Variants in SHISA9 observed in about 807,000 individuals in gnomAD.
SHISA9 encodes protein shisa-9.
SHISA9 carries 13 observed loss-of-function variants against 38.0 expected under a neutral mutation model. The ratio of observed to expected loss-of-function variants is 0.34; its 90% CI spans 0.22 to 0.54. The LOEUF (loss-of-function observed/expected upper bound fraction) is 0.54. SHISA9 is among the 20% of genes least tolerant of loss of function. The probability of loss-of-function intolerance (pLI) is 0.91; values close to 1 mark genes in which losing one functional copy is unlikely to be tolerated. For missense variants in SHISA9, 538 were observed against 575.8 expected (o/e 0.93, Z 0.67); for synonymous variants, 275 against 242.0 (o/e 1.14, Z -1.27).
rs1380299023 is a variant in SHISA9, at chr16:13,069,095, T to C, written c.692-134299T>C. Among the ~76,000 whole-genome samples, 4 of 151,132 alleles carry C rather than the reference T, an allele frequency of 2.6e-5. No individual in the cohort carries two copies. The South Asian group carries it at 6.3e-4, about 24-fold the overall frequency. On this transcript the variant is annotated intron_variant, in intron 2 of 4. Coordinates refer to ENST00000558583, the MANE Select transcript of SHISA9 (RefSeq NM_001145204.3). ...TACATGTGTACATGCAATGTGTATG[T>C]GTGTGTATACATGTGTACATGCAAT...
the SHISA9 span, among the ~76,000 whole-genome samples, chr16:13,383,795 G>T: frequency 6.6e-6 from 1 of 152,020 alleles, no homozygotes; most frequent in Non-Finnish European, 1.5e-5. Context: ...GACCATAGGC[G>T]CGAGCCACTA....
At chr16:13,205,691 G>A (rs949925484) in intron 3 of SHISA9, among the ~76,000 whole-genome samples, 1 of 152,170 alleles carries the variant, frequency 6.6e-6, no homozygotes, top group African/African-American at 2.4e-5. Context: ...CTTGTTTCTA[G>A]TAGCCCCATG....
chr16:13,390,713 A>T, the SHISA9 span, among the ~76,000 whole-genome samples: 2 of 152,148 alleles, frequency 1.3e-5, no homozygotes, highest in Non-Finnish European at 2.9e-5. Flanking sequence ...GATTCCCCAC[A>T]TTTGTGTAGC....
At chr16:13,174,183 T>C (rs1472644439) in intron 2 of SHISA9, among the ~76,000 whole-genome samples, 1 of 152,208 alleles carries the variant, frequency 6.6e-6, no homozygotes, top group Non-Finnish European at 1.5e-5. Flanking sequence ...ATTTGTTTTT[T>C]GTTGTTTTGG....
intron 2 of SHISA9, among the ~76,000 whole-genome samples, chr16:13,123,573 A>G (rs2050232363): frequency 6.6e-6 from 1 of 152,260 alleles, no homozygotes; most frequent in Admixed American, 6.5e-5. Flanking sequence ...GGTGGATTCT[A>G]TCTTTGTGAA....
intron 2 of SHISA9, among the ~76,000 whole-genome samples, chr16:13,142,109 T>G (rs886969290): frequency 8.5e-5 from 13 of 152,220 alleles, no homozygotes; most frequent in African/African-American, 3.1e-4. Context: ...TTTCTGAGGC[T>G]CAGCATTGAA....
At chr16:13,027,932 A>AC (rs1491242999) in intron 2 of SHISA9, among the ~76,000 whole-genome samples, 1 of 107,096 alleles carries the variant, frequency 9.3e-6, no homozygotes, top group East Asian at 2.3e-4. Flanking sequence ...TGTCTCAAAA[A>AC]CAAAAAAAAA....
chr16:13,000,311 C>T lies in SHISA9; in HGVS notation c.691+83496C>T, dbSNP rs8054068. On this transcript the variant is annotated intron_variant, in intron 2 of 4. Transcript: ENST00000558583. ...CTATGCAAGTGATTTATTAAGGGAGCTGCCCTTGGGAGAAACTGTGAGGAA... is the reference window on the plus strand; with the variant it reads ...CTATGCAAGTGATTTATTAAGGGAGTTGCCCTTGGGAGAAACTGTGAGGAA... Among the ~76,000 whole-genome samples, 1,265 of 152,062 alleles carry T rather than the reference C, an allele frequency of 8.3e-3. 23 individuals are homozygous for T. The highest frequency in any genetic ancestry group is 0.029 in the African/African-American group (1,212 of 41,464).
At chr16:13,544,404 G>A in the SHISA9 span, among the ~76,000 whole-genome samples, 9 of 91,104 alleles carry the variant, frequency 9.9e-5, no homozygotes, top group African/African-American at 3.6e-4. Flanking sequence ...TCGGTTTTTT[G>A]TTTTTTCGGG....
At chr16:13,299,052 G>T in the SHISA9 span, among the ~76,000 whole-genome samples, 1 of 152,228 alleles carries the variant, frequency 6.6e-6, no homozygotes, top group Non-Finnish European at 1.5e-5. Context: ...CCTTGTAAGG[G>T]GCCTACAGAA....
chr16:13,539,096 A>G, the SHISA9 span, among the ~76,000 whole-genome samples: 16 of 151,876 alleles, frequency 1.1e-4, no homozygotes, highest in Non-Finnish European at 2.2e-4. Flanking sequence ...AGAAGAGATT[A>G]TCTAGTGAGG....
intron 2 of SHISA9, among the ~76,000 whole-genome samples, chr16:13,126,699 G>C (rs1303182506): frequency 6.8e-6 from 1 of 147,738 alleles, no homozygotes; most frequent in East Asian, 2.1e-4. Flanking sequence ...GAAGAAGAAA[G>C]TGGGAGGGAG....
intron 4 of SHISA9, among the ~76,000 whole-genome samples, chr16:13,215,828 G>C (rs530896184): frequency 6.6e-6 from 1 of 152,228 alleles, no homozygotes; most frequent in South Asian, 2.1e-4. Flanking sequence ...CTCTAGATGA[G>C]GTATGGTAGC....
the SHISA9 span, among the ~76,000 whole-genome samples, chr16:13,436,798 G>A: frequency 1.3e-5 from 2 of 152,174 alleles, no homozygotes; most frequent in Non-Finnish European, 2.9e-5. Context: ...TGGGAGTTGA[G>A]TCACGTATTG....
chr16:12,970,449 ATATATACATATATGTGTGTG>A (rs1450614583), intron 2 of SHISA9, among the ~76,000 whole-genome samples: 3 of 89,398 alleles, frequency 3.4e-5, no homozygotes, highest in African/African-American at 1.0e-4. Flanking sequence ...ACACACATAT[ATATATACATATATGTGTGTG>A]TATATATATA....
At chr16:13,341,244 C>T in the SHISA9 span, among the ~76,000 whole-genome samples, 12 of 152,302 alleles carry the variant, frequency 7.9e-5, no homozygotes, top group East Asian at 2.3e-3. Flanking sequence ...ACCACTGCTG[C>T]TGAGATTCTT....
At chr16:13,376,610 T>C in the SHISA9 span, among the ~76,000 whole-genome samples, 6,330 of 152,308 alleles carry the variant, frequency 0.042, 267 homozygotes, top group African/African-American at 0.11. Context: ...TTTTTTATTT[T>C]AGATTGGTTA....
chr16:13,503,259 CG>C, the SHISA9 span, among the ~76,000 whole-genome samples: 1 of 152,110 alleles, frequency 6.6e-6, no homozygotes, highest in Non-Finnish European at 1.5e-5. Context: ...ACTAGTATAG[CG>C]ATATAGACAG....
At chr16:13,086,584 T>G (rs75247378) in intron 2 of SHISA9, among the ~76,000 whole-genome samples, 28,411 of 151,786 alleles carry the variant, frequency 0.19, 3,221 homozygotes, top group South Asian at 0.35. Flanking sequence ...AGGTGAGAGA[T>G]GATTGTGGTG....
Sources: allele counts gnomAD v4.1 joint callset (sites outside exome capture counted in the v4.1 genomes callset), GRCh38; gene constraint gnomAD v4.1.1; transcripts MANE v1.5; gene names NCBI Gene and HGNC (gene_info 2026-07-23, HGNC 2026-07-21).